NEGR1: variants seen among roughly 807,000 people sequenced by gnomAD.
NEGR1 encodes IgLON family member 4.
In NEGR1, 10 loss-of-function variants were observed where a neutral mutation model predicts 40.9. The observed-to-expected ratio is 0.24, with a 90% confidence interval of 0.15 to 0.42. The LOEUF is 0.42. Among genes scored for constraint, NEGR1 ranks in the 10% least tolerant of loss-of-function variants. The pLI, the probability that NEGR1 is intolerant of heterozygous loss-of-function variation, is 1.00. For missense variants in NEGR1, 352 were observed against 438.9 expected (o/e 0.80, Z 1.77); for synonymous variants, 185 against 166.8 (o/e 1.11, Z -0.84).
chr1:71,853,450 G>A (rs1482978241), intron 2 of NEGR1, among the ~76,000 whole-genome samples: 1 of 151,996 alleles, frequency 6.6e-6, no homozygotes, highest in African/African-American at 2.4e-5. Context: ...ATATATGTTA[G>A]TGTTGATATT....
At chr1:72,248,537 C>T (rs1194278) in intron 1 of NEGR1, among the ~76,000 whole-genome samples, 66,089 of 149,676 alleles carry the variant, frequency 0.44, 14,937 homozygotes, top group Non-Finnish European at 0.48. Flanking sequence ...GGATTACAGG[C>T]GTGAGCCACC....
chr1:71,437,705 G>A (rs1646518938), intron 6 of NEGR1, among the ~76,000 whole-genome samples: 1 of 152,146 alleles, frequency 6.6e-6, no homozygotes. Flanking sequence ...GAGATCTTTG[G>A]AAAGAGGGAA....
chr1:72,068,865 C>T (rs1007903033), intron 1 of NEGR1, among the ~76,000 whole-genome samples: 5 of 151,912 alleles, frequency 3.3e-5, no homozygotes, highest in Non-Finnish European at 7.4e-5. Flanking sequence ...AATATGTAAT[C>T]ATTTAAATTT....
At chr1:71,856,415 C>A (rs1338536378) in intron 2 of NEGR1, among the ~76,000 whole-genome samples, 1 of 151,974 alleles carries the variant, frequency 6.6e-6, no homozygotes, top group Non-Finnish European at 1.5e-5. Context: ...TTAATTTCAC[C>A]CATTTTATTT....
At chr1:71,413,065 C>A (rs1365374961) in intron 6 of NEGR1, among the ~76,000 whole-genome samples, 1 of 152,056 alleles carries the variant, frequency 6.6e-6, no homozygotes. Flanking sequence ...GGTTCAAGTT[C>A]CAATTCCATC....
intron 3 of NEGR1, among the ~76,000 whole-genome samples, chr1:71,742,072 G>A (rs1557635086): frequency 6.6e-6 from 1 of 152,132 alleles, no homozygotes; most frequent in Non-Finnish European, 1.5e-5. Context: ...AAGTAATTAG[G>A]TCATGGGAGT....
At chr1:71,524,914 T>C (rs991480137) in intron 6 of NEGR1, among the ~76,000 whole-genome samples, 1 of 151,724 alleles carries the variant, frequency 6.6e-6, no homozygotes, top group African/African-American at 2.4e-5. Context: ...CATGGACAGC[T>C]TCTAGAAGTT....
At chr1:71,478,840 C>T (rs1449997092) in intron 6 of NEGR1, among the ~76,000 whole-genome samples, 4 of 151,758 alleles carry the variant, frequency 2.6e-5, no homozygotes, top group Non-Finnish European at 5.9e-5. Context: ...TGAGATGAAG[C>T]TGATACCATG....
chr1:72,153,513 C>T (rs1651244820), intron 1 of NEGR1, among the ~76,000 whole-genome samples: 2 of 151,568 alleles, frequency 1.3e-5, no homozygotes. Flanking sequence ...TATTGTGATT[C>T]TGGATGAAGA....
At position 72,176,774 on chromosome 1, in the gene NEGR1, A is replaced by C. The variant is rs528765274; in HGVS notation, c.176+105545T>G. ...TTGTAAGCAGGAACAAATCATGGGA[A>C]GCCTCTATGCCTCGATAAGGTATAT... On this transcript the variant is annotated intron_variant, in intron 1 of 6. Transcript: ENST00000357731. Among the ~76,000 whole-genome samples, 3 of 152,050 alleles carry C rather than the reference A, an allele frequency of 2.0e-5. No homozygotes were observed. The South Asian group carries it at 6.2e-4, about 32-fold the overall frequency.
At chr1:72,025,897 G>A (rs1175365662) in intron 1 of NEGR1, among the ~76,000 whole-genome samples, 1 of 151,578 alleles carries the variant, frequency 6.6e-6, no homozygotes, top group Admixed American at 6.6e-5. Context: ...GGATCACGAG[G>A]TCAGGAGATC....
At position 71,834,096 on chromosome 1, in the gene NEGR1, T is replaced by C. The variant is rs1002864419; in HGVS notation, c.410-57799A>G. ...CTACCTTTTCACAATGTTAACCAAATAAACTGCATTGTATTGGATGTGAAG... is the reference window on the plus strand; with the variant it reads ...CTACCTTTTCACAATGTTAACCAAACAAACTGCATTGTATTGGATGTGAAG... On this transcript the variant is annotated intron_variant, in intron 2 of 6. Transcript: ENST00000357731. Among the ~76,000 whole-genome samples the C allele has an allele frequency of 2.6e-5, 4 of 152,272 alleles. No homozygotes were observed. The South Asian group carries it at 8.3e-4, about 32-fold the overall frequency.
chr1:72,091,805 G>C (rs1557522133), intron 1 of NEGR1, among the ~76,000 whole-genome samples: 1 of 152,118 alleles, frequency 6.6e-6, no homozygotes, highest in African/African-American at 2.4e-5. Context: ...ACACACAGAA[G>C]TCCAATATCA....
intron 1 of NEGR1, among the ~76,000 whole-genome samples, chr1:72,228,987 A>C (rs1172602302): frequency 6.6e-6 from 1 of 152,098 alleles, no homozygotes; most frequent in African/African-American, 2.4e-5. Flanking sequence ...GAAGGGTCTG[A>C]GTATTATTTA....
chr1:71,562,688 C>A (rs1223643409), intron 6 of NEGR1, among the ~76,000 whole-genome samples: 1 of 151,894 alleles, frequency 6.6e-6, no homozygotes, highest in African/African-American at 2.4e-5. Context: ...TGTGTTCTTT[C>A]CTTTAAATCA....
At chr1:71,451,597 A>G (rs1646629180) in intron 6 of NEGR1, among the ~76,000 whole-genome samples, 1 of 152,050 alleles carries the variant, frequency 6.6e-6, no homozygotes, top group East Asian at 1.9e-4. Flanking sequence ...CAGCCTCCCA[A>G]AGTGCTATGA....
intron 6 of NEGR1, among the ~76,000 whole-genome samples, chr1:71,526,433 GTAAAA>G (rs1647218084): frequency 6.6e-6 from 1 of 151,388 alleles, no homozygotes; most frequent in African/African-American, 2.4e-5. Flanking sequence ...CCTGTGTAAA[GTAAAA>G]TAAAACACTG....
chr1:71,841,940 T>C (rs1296211705), intron 2 of NEGR1, among the ~76,000 whole-genome samples: 4 of 152,162 alleles, frequency 2.6e-5, no homozygotes, highest in African/African-American at 9.7e-5. Context: ...TCAAAATTCC[T>C]TCAACGTAAG....
chr1:72,224,947 G>C (rs1253564551), intron 1 of NEGR1, among the ~76,000 whole-genome samples: 1 of 151,792 alleles, frequency 6.6e-6, no homozygotes, highest in East Asian at 1.9e-4. Context: ...TATTTCAATG[G>C]CTTTACAAAC....
Sources: gnomAD v4.1 joint callset for allele counts (sites outside exome capture counted in the v4.1 genomes callset) on GRCh38, gnomAD v4.1.1 for gene constraint, MANE v1.5 for transcripts, NCBI Gene and HGNC (gene_info 2026-07-23, HGNC 2026-07-21) for gene names.